MCC: variants seen among roughly 807,000 people sequenced by gnomAD.
MCC encodes colorectal mutant cancer protein.
Under a neutral mutation model 116.2 loss-of-function variants are expected in MCC, and 90 were observed. The observed-to-expected ratio is 0.77, with a 90% confidence interval of 0.65 to 0.92. MCC has a LOEUF of 0.92. Ranked by LOEUF, MCC falls within the 40% of genes least tolerant of loss-of-function variation. MCC has a pLI of 0.00. For synonymous variants in MCC, 578 were observed against 510.5 expected (o/e 1.13, Z -1.78); for missense variants, 1,516 against 1,312.2 (o/e 1.16, Z -2.40).
Position 113,100,495 on chromosome 5 carries a change from G to A in MCC, c.1398+1244C>T, listed in dbSNP as rs1422999469. 4.4e-5 allele frequency among the ~76,000 whole-genome samples: 4 copies of A among 91,000 alleles called. No homozygotes were observed. In the Admixed American group the frequency reaches 5.4e-4, roughly 12 times the overall value. The allele number at this position is 91,000 out of a possible 152,430, so 59.7% of individuals were successfully genotyped here. On this transcript the variant is annotated intron_variant, in intron 8 of 18. Coordinates refer to ENST00000408903, the MANE Select transcript of MCC (RefSeq NM_001085377.2). The stretch of plus-strand genomic sequence containing the variant: ...TTTTTTTTTTTTTTTTTTTGGACAT[G>A]GAGTCTCCTTCTGTCGCCCAGGCTG...
rs76696193 is a variant in MCC, at chr5:113,377,984, G to A, written c.415+6984C>T. On this transcript the variant is annotated intron_variant, in intron 2 of 18. Transcript: ENST00000408903. ...AGGCTATCGTGTGTGACTTGAGTCT[G>A]GTTTTATGCTCACTGGGCAGTATTT... Among the ~76,000 whole-genome samples, 1,013 of 152,212 alleles carry A rather than the reference G, an allele frequency of 6.7e-3. 9 individuals carry two copies. The highest frequency in any genetic ancestry group is 0.023 in the African/African-American group (945 of 41,538).
chr5:113,038,475 A>C (rs906177383), intron 17 of MCC, among the ~76,000 whole-genome samples: 1 of 152,034 alleles, frequency 6.6e-6, no homozygotes, highest in East Asian at 1.9e-4. Context: ...GGGAGAAGGA[A>C]ATTCATGGCG....
intron 6 of MCC, among the ~76,000 whole-genome samples, chr5:113,120,608 T>C (rs1178404841): frequency 6.6e-6 from 1 of 152,238 alleles, no homozygotes; most frequent in East Asian, 1.9e-4. Context: ...ACACATGTTA[T>C]GTGCCAGGCC....
At chr5:113,407,318 T>C (rs963840829) in intron 1 of MCC, among the ~76,000 whole-genome samples, 4 of 152,082 alleles carry the variant, frequency 2.6e-5, no homozygotes, top group African/African-American at 9.7e-5. Flanking sequence ...AGAAACTGGG[T>C]GGTAAGTGTA....
chr5:113,352,666 G>A (rs1281227770), intron 2 of MCC, among the ~76,000 whole-genome samples: 2 of 142,548 alleles, frequency 1.4e-5, no homozygotes, highest in Non-Finnish European at 3.0e-5. Flanking sequence ...ATCAGCACGG[G>A]GGGCAGTGGG....
At chr5:113,236,386 C>T (rs953503777) in intron 3 of MCC, among the ~76,000 whole-genome samples, 10 of 152,042 alleles carry the variant, frequency 6.6e-5, no homozygotes, top group South Asian at 6.2e-4. Flanking sequence ...AAGGCAGTAT[C>T]GAGGATAAGA....
At chr5:113,444,491 T>C (rs1195429724) in intron 1 of MCC, among the ~76,000 whole-genome samples, 1 of 152,228 alleles carries the variant, frequency 6.6e-6, no homozygotes, top group Non-Finnish European at 1.5e-5. Flanking sequence ...CATGTCCTAG[T>C]CTTAGTTCCT....
intron 1 of MCC, among the ~76,000 whole-genome samples, chr5:113,401,082 A>G (rs26961): frequency 0.44 from 67,445 of 152,014 alleles, 16,479 homozygotes; most frequent in African/African-American, 0.64. Flanking sequence ...TATTTGGGAA[A>G]TGAACCACTT....
At chr5:113,148,247 T>G (rs1332176667) in intron 4 of MCC, among the ~76,000 whole-genome samples, 1 of 152,234 alleles carries the variant, frequency 6.6e-6, no homozygotes, top group Non-Finnish European at 1.5e-5. Flanking sequence ...TGTGCTGTTT[T>G]CAGCCAGTAA....
chr5:113,060,415 A>G (rs1753137441), intron 14 of MCC, among the ~76,000 whole-genome samples: 1 of 152,056 alleles, frequency 6.6e-6, no homozygotes, highest in Admixed American at 6.6e-5. Flanking sequence ...AGCCTCCCAA[A>G]GTGCTGGGAT....
intron 3 of MCC, among the ~76,000 whole-genome samples, chr5:113,259,885 G>T (rs1581331331): frequency 6.6e-6 from 1 of 152,058 alleles, no homozygotes; most frequent in East Asian, 1.9e-4. Context: ...ACTGTACTAG[G>T]TACCACAGAA....
intron 3 of MCC, chr5:113,294,907 C>A (rs1766662847): frequency 5.1e-6 from 5 of 985,344 alleles, no homozygotes; most frequent in African/African-American, 3.5e-5. Flanking sequence ...CACTTCACGC[C>A]GAAGTTTCCC....
chr5:113,323,257 T>G (rs1444846648), intron 3 of MCC: 3 of 152,366 alleles, frequency 2.0e-5, no homozygotes, highest in African/African-American at 7.2e-5. Context: ...CCTGGATTCC[T>G]GATCCACAGA....
intron 11 of MCC, among the ~76,000 whole-genome samples, chr5:113,082,133 G>A (rs1754904384): frequency 6.6e-6 from 1 of 152,252 alleles, no homozygotes; most frequent in African/African-American, 2.4e-5. Context: ...TGACACATAA[G>A]AGAGTCTTTG....
chr5:113,177,012 A>G (rs2150306781), intron 3 of MCC, among the ~76,000 whole-genome samples: 1 of 152,306 alleles, frequency 6.6e-6, no homozygotes, highest in East Asian at 1.9e-4. Context: ...TTGCTAAAAG[A>G]GAAATATAAA....
rs75155429 is a variant in MCC, at chr5:113,169,594, C to T, written c.628-18172G>A. The stretch of plus-strand genomic sequence containing the variant: ...CCAGTCAAACTGCTCAGGTGTGGTG[C>T]CAAGGGGGTTAATGTACAAATTCAG... On this transcript the variant is annotated intron_variant, in intron 3 of 18. Transcript: ENST00000408903. Among the ~76,000 whole-genome samples the T allele has an allele frequency of 4.6e-3, 700 of 152,158 alleles. 6 individuals are homozygous for T. Among genetic ancestry groups the T allele is most frequent in the African/African-American group, 0.016 (654 of 41,498 alleles).
intron 14 of MCC, among the ~76,000 whole-genome samples, chr5:113,063,641 C>A (rs1753376446): frequency 6.6e-6 from 1 of 152,206 alleles, no homozygotes; most frequent in African/African-American, 2.4e-5. Flanking sequence ...ACCCTAAGTG[C>A]TTCCTGGAAA....
At chr5:113,134,047 T>C (rs1758641218) in intron 5 of MCC, among the ~76,000 whole-genome samples, 1 of 152,232 alleles carries the variant, frequency 6.6e-6, no homozygotes. Flanking sequence ...ACTTTCATTA[T>C]TTCCATTGCT....
intron 3 of MCC, among the ~76,000 whole-genome samples, chr5:113,187,170 T>C (rs1761934320): frequency 6.6e-6 from 1 of 152,146 alleles, no homozygotes; most frequent in Admixed American, 6.5e-5. Context: ...CTACTAGCAG[T>C]TTTTTTCAAC....
Sources: gnomAD v4.1 joint callset for allele counts (sites outside exome capture counted in the v4.1 genomes callset) on GRCh38, gnomAD v4.1.1 for gene constraint, MANE v1.5 for transcripts, NCBI Gene and HGNC (gene_info 2026-07-23, HGNC 2026-07-21) for gene names.